Variants in ZFHX3 observed in about 807,000 individuals in gnomAD.
ZFHX3 encodes the protein zinc finger homeobox 3.
In ZFHX3, 42 loss-of-function variants were observed where a neutral mutation model predicts 279.1. The observed-to-expected ratio is 0.15, with a 90% confidence interval of 0.12 to 0.19. ZFHX3 has a LOEUF of 0.19. Ranked by LOEUF, ZFHX3 falls within the 10% of genes least tolerant of loss-of-function variation. ZFHX3 has a pLI of 1.00. For missense variants in ZFHX3, 4,981 were observed against 4,754.0 expected, an observed-to-expected ratio of 1.05 and a Z score of -1.40; for synonymous variants, 2,293 against 1,957.8, an observed-to-expected ratio of 1.17 and a Z score of -4.52.
intron 5 of ZFHX3, among the ~76,000 whole-genome samples, chr16:73,184,985 T>G (rs1049805921): frequency 2.8e-5 from 4 of 144,128 alleles, no homozygotes; most frequent in Admixed American, 6.8e-5. Flanking sequence ...CACCATCTCT[T>G]TTTTTTTTTT....
intron 3 of ZFHX3, among the ~76,000 whole-genome samples, chr16:73,321,191 T>C (rs987658298): frequency 1.3e-4 from 20 of 152,296 alleles, no homozygotes; most frequent in Non-Finnish European, 1.0e-4. Flanking sequence ...TGATAGAACA[T>C]TGCTCTCTAA....
At chr16:73,557,857 G>T (rs913140291) in intron 2 of ZFHX3, among the ~76,000 whole-genome samples, 3 of 152,008 alleles carry the variant, frequency 2.0e-5, no homozygotes, top group Non-Finnish European at 4.4e-5. Flanking sequence ...AGTTGCTCTG[G>T]TTCACACACC....
Position 73,803,586 on chromosome 16 carries a change from GTTTA to G in ZFHX3, c.-1608+88061_-1608+88064del, listed in dbSNP as rs1434534099. Among the ~76,000 whole-genome samples, 8 of 152,194 alleles carry G rather than the reference GTTTA, an allele frequency of 5.3e-5. No homozygotes were observed. In the East Asian group the frequency reaches 1.3e-3, roughly 26 times the overall value. On this transcript the variant is annotated intron_variant, in intron 1 of 17. Transcript: ENST00000641206. ...TATATAATAAAATATGTAGAAGGAT[GTTTA>G]TTTAATTCTTGAATGTTATGTTTGA...
chr16:73,349,012 G>A (rs192433789), intron 3 of ZFHX3, among the ~76,000 whole-genome samples: 1 of 152,292 alleles, frequency 6.6e-6, no homozygotes, highest in South Asian at 2.1e-4. Flanking sequence ...TATCCTGGGG[G>A]TCCACAGGAA....
intron 3 of ZFHX3, among the ~76,000 whole-genome samples, chr16:73,376,683 G>A (rs749695228): frequency 4.6e-5 from 7 of 152,148 alleles, no homozygotes; most frequent in Admixed American, 2.0e-4. Context: ...TCCAGGAGGC[G>A]TGGTTGAGAG....
At chr16:73,237,128 GT>G (rs924840894) in intron 5 of ZFHX3, among the ~76,000 whole-genome samples, 1 of 152,182 alleles carries the variant, frequency 6.6e-6, no homozygotes, top group African/African-American at 2.4e-5. Context: ...CTTGCCTAAG[GT>G]TGAAAGATAA....
chr16:73,749,556 A>T (rs186203519), intron 1 of ZFHX3, among the ~76,000 whole-genome samples: 20 of 152,302 alleles, frequency 1.3e-4, no homozygotes, highest in Admixed American at 1.2e-3. Context: ...TGAAGTATTT[A>T]AAAAACCCCA....
chr16:73,300,256 C>T (rs575468743), intron 4 of ZFHX3, among the ~76,000 whole-genome samples: 4 of 102,902 alleles, frequency 3.9e-5, no homozygotes, highest in South Asian at 3.8e-4. Context: ...GAGTGAGACT[C>T]TGTCTCTTAA....
intron 7 of ZFHX3, among the ~76,000 whole-genome samples, chr16:73,110,927 T>C (rs1422619856): frequency 6.6e-6 from 1 of 152,000 alleles, no homozygotes; most frequent in Non-Finnish European, 1.5e-5. Flanking sequence ...TAAGGATGCA[T>C]TTTATGATTT....
intron 2 of ZFHX3, among the ~76,000 whole-genome samples, chr16:73,594,450 G>A (rs2052028508): frequency 6.6e-6 from 1 of 152,162 alleles, no homozygotes; most frequent in Non-Finnish European, 1.5e-5. Flanking sequence ...AAGCAATAGA[G>A]ATTTTATTAG....
intron 4 of ZFHX3, among the ~76,000 whole-genome samples, chr16:72,866,150 C>T (rs2038017228): frequency 6.6e-6 from 1 of 152,138 alleles, no homozygotes; most frequent in African/African-American, 2.4e-5. Context: ...AACAAATGAT[C>T]CTAAAATGAA....
chr16:72,833,895 T>C (rs933967694), intron 4 of ZFHX3, among the ~76,000 whole-genome samples: 11 of 152,154 alleles, frequency 7.2e-5, no homozygotes, highest in Non-Finnish European at 1.5e-4. Context: ...CTGCAGTGTC[T>C]TCCTAGGGTC....
At chr16:73,005,152 T>G (rs1344689606) in intron 1 of ZFHX3, among the ~76,000 whole-genome samples, 1 of 152,202 alleles carries the variant, frequency 6.6e-6, no homozygotes, top group Non-Finnish European at 1.5e-5. Flanking sequence ...ATTAGTAATG[T>G]ATTAGTAGTA....
intron 1 of ZFHX3, among the ~76,000 whole-genome samples, chr16:73,720,157 T>C (rs2053460135): frequency 6.6e-6 from 1 of 152,240 alleles, no homozygotes; most frequent in African/African-American, 2.4e-5. Flanking sequence ...TGGCAAAGTT[T>C]CATGTTTCAT....
chr16:72,970,699 C>T (rs1322911437), intron 1 of ZFHX3, among the ~76,000 whole-genome samples: 1 of 152,202 alleles, frequency 6.6e-6, no homozygotes, highest in African/African-American at 2.4e-5. Context: ...ATAACCAACA[C>T]TTATGTGTTT....
chr16:73,565,294 A>G (rs1409640065), intron 2 of ZFHX3, among the ~76,000 whole-genome samples: 1 of 151,968 alleles, frequency 6.6e-6, no homozygotes, highest in Admixed American at 6.6e-5. Flanking sequence ...TTTGCATCTG[A>G]TGATAATTCT....
intron 1 of ZFHX3, among the ~76,000 whole-genome samples, chr16:73,019,923 T>C (rs74030208): frequency 0.072 from 10,902 of 152,212 alleles, 459 homozygotes; most frequent in Non-Finnish European, 0.093. Context: ...TTTTAAAAAA[T>C]GTCTGTTCCA....
At chr16:73,655,664 G>C (rs2052715257) in intron 2 of ZFHX3, among the ~76,000 whole-genome samples, 1 of 152,092 alleles carries the variant, frequency 6.6e-6, no homozygotes, top group Non-Finnish European at 1.5e-5. Context: ...AAATGCAAGT[G>C]ATACCATTTC....
chr16:73,055,987 A>G (rs994526019), intron 1 of ZFHX3, among the ~76,000 whole-genome samples: 52 of 152,156 alleles, frequency 3.4e-4, no homozygotes, highest in Non-Finnish European at 1.2e-4. Context: ...AATAGGAAAG[A>G]GCATTTGCAA....
Sources: gnomAD v4.1 joint callset for allele counts (sites outside exome capture counted in the v4.1 genomes callset) on GRCh38, gnomAD v4.1.1 for gene constraint, MANE v1.5 for transcripts, NCBI Gene and HGNC (gene_info 2026-07-23, HGNC 2026-07-21) for gene names.